TTLL11: variants seen among roughly 807,000 people sequenced by gnomAD.
The protein encoded by TTLL11 is tubulin polyglutamylase TTLL11.
TTLL11 carries 42 observed loss-of-function variants against 51.7 expected under a neutral mutation model. The observed-to-expected ratio is 0.81, with a 90% CI of 0.64 to 1.05. The LOEUF is 1.05. TTLL11 is among the 50% of genes least tolerant of loss of function. The probability of loss-of-function intolerance (pLI) is 0.00; values close to 1 mark genes in which losing one functional copy is unlikely to be tolerated. For missense variants in TTLL11, 799 were observed against 940.4 expected, an observed-to-expected ratio of 0.85 and a Z score of 1.97; for synonymous variants, 381 against 383.5, an observed-to-expected ratio of 0.99 and a Z score of 0.08.
At chr9:122,003,555 G>A (rs989690708) in intron 3 of TTLL11, among the ~76,000 whole-genome samples, 1 of 147,704 alleles carries the variant, frequency 6.8e-6, no homozygotes, top group Non-Finnish European at 1.5e-5. Flanking sequence ...TGCAATCTCG[G>A]CTCACTGCAA....
chr9:121,996,531 C>T (rs990260426), intron 3 of TTLL11, among the ~76,000 whole-genome samples: 2 of 152,138 alleles, frequency 1.3e-5, no homozygotes. Flanking sequence ...CACATGCACA[C>T]GTACACACTT....
intron 3 of TTLL11, among the ~76,000 whole-genome samples, chr9:121,994,770 G>A (rs1172809248): frequency 1.3e-5 from 2 of 152,218 alleles, no homozygotes; most frequent in Non-Finnish European, 2.9e-5. Context: ...TTAATTAGAT[G>A]TGTATTATGG....
chr9:122,025,622 G>GTAAA (rs1358749352), intron 3 of TTLL11, among the ~76,000 whole-genome samples: 3 of 152,112 alleles, frequency 2.0e-5, no homozygotes, highest in Non-Finnish European at 4.4e-5. Context: ...CCACTCTTAA[G>GTAAA]TAAATAAATA....
intron 6 of TTLL11, among the ~76,000 whole-genome samples, chr9:121,917,299 C>T (rs187372254): frequency 7.8e-4 from 116 of 148,976 alleles, no homozygotes; most frequent in African/African-American, 2.7e-3. Context: ...AAGATCTTAT[C>T]TCTATAAAAA....
intron 8 of TTLL11, among the ~76,000 whole-genome samples, chr9:121,828,898 G>A (rs1836907116): frequency 6.6e-6 from 1 of 152,052 alleles, no homozygotes; most frequent in Non-Finnish European, 1.5e-5. Context: ...CCAGGAATTT[G>A]AGGCTGAAGT....
intron 6 of TTLL11, among the ~76,000 whole-genome samples, chr9:121,917,807 A>G (rs1396329217): frequency 6.6e-6 from 1 of 152,256 alleles, no homozygotes; most frequent in Non-Finnish European, 1.5e-5. Context: ...ACATTGCTCC[A>G]TAGGAAATAA....
At position 121,898,928 on chromosome 9, in the gene TTLL11, T is replaced by C. The variant is rs113257608; in HGVS notation, c.1482-28180A>G. On this transcript the variant is annotated intron_variant, in intron 6 of 8. Transcript: ENST00000321582. ...CCCTCTCCTTGTCCTCATGCCTGCT[T>C]CTGTTGCTGGGTGCCCTTCTTCTTT... Among the ~76,000 whole-genome samples the C allele has an allele frequency of 3.0e-3, 463 of 152,280 alleles. 3 individuals are homozygous for C. The highest frequency in any genetic ancestry group is 0.011 in the African/African-American group (445 of 41,578).
chr9:121,998,831 T>C (rs891188693), intron 3 of TTLL11, among the ~76,000 whole-genome samples: 1 of 152,130 alleles, frequency 6.6e-6, no homozygotes, highest in Non-Finnish European at 1.5e-5. Flanking sequence ...GTTTGTTTAT[T>C]GTCTTGCTAT....
At chr9:121,914,394 AC>A (rs1459513570) in intron 6 of TTLL11, among the ~76,000 whole-genome samples, 3 of 152,196 alleles carry the variant, frequency 2.0e-5, no homozygotes, top group Non-Finnish European at 4.4e-5. Context: ...TGACCTGAGC[AC>A]CTATTACCTG....
At chr9:121,999,245 T>C (rs1843385659) in intron 3 of TTLL11, among the ~76,000 whole-genome samples, 1 of 152,206 alleles carries the variant, frequency 6.6e-6, no homozygotes, top group African/African-American at 2.4e-5. Flanking sequence ...AACCACTTCC[T>C]GGACTTCAGT....
chr9:121,875,413 T>G (rs569333470), intron 6 of TTLL11, among the ~76,000 whole-genome samples: 1 of 152,306 alleles, frequency 6.6e-6, no homozygotes, highest in Non-Finnish European at 1.5e-5. Flanking sequence ...GCGACAGCCT[T>G]TCAAATTTCT....
intron 3 of TTLL11, among the ~76,000 whole-genome samples, chr9:122,004,466 C>T (rs1843577311): frequency 1.3e-5 from 2 of 151,998 alleles, no homozygotes; most frequent in African/African-American, 4.8e-5. Context: ...TCTCCTGCCT[C>T]AGCCTCCCAA....
At position 121,919,646 on chromosome 9, in the gene TTLL11, G is replaced by A. The variant is rs559462203; in HGVS notation, c.1482-48898C>T. Among the ~76,000 whole-genome samples, 6 of 152,266 alleles carry A rather than the reference G, an allele frequency of 3.9e-5. No individual in the cohort carries two copies. The East Asian group carries it at 7.7e-4, about 20-fold the overall frequency. On this transcript the variant is annotated intron_variant, in intron 6 of 8. Coordinates refer to ENST00000321582, the MANE Select transcript of TTLL11 (RefSeq NM_001139442.2). ...AGACAGTTGCTCAGAAGTCCAGCTT[G>A]TCCTGCAAGTGGGGCCCAAGAGAAA...
chr9:122,020,412 C>A (rs1588211280), intron 3 of TTLL11, among the ~76,000 whole-genome samples: 1 of 152,230 alleles, frequency 6.6e-6, no homozygotes, highest in African/African-American at 2.4e-5. Context: ...CTTATACACA[C>A]TTCTATTTAA....
At chr9:121,860,466 T>C (rs778102209) in intron 7 of TTLL11, 23 bp from the exon 8 acceptor site, 2 of 1,542,032 alleles carry the variant, frequency 1.3e-6, no homozygotes, top group South Asian at 1.2e-5. Context: ...GGAAGTGACA[T>C]GTCACTGCCA....
chr9:121,941,773 T>C (rs1415833521), intron 6 of TTLL11, among the ~76,000 whole-genome samples: 1 of 152,166 alleles, frequency 6.6e-6, no homozygotes, highest in Non-Finnish European at 1.5e-5. Context: ...CCAGGGATAT[T>C]TGTGTGGCAC....
intron 6 of TTLL11, among the ~76,000 whole-genome samples, chr9:121,924,683 G>A (rs1446482268): frequency 6.6e-6 from 1 of 151,762 alleles, no homozygotes; most frequent in African/African-American, 2.4e-5. Context: ...AGTGAAAACG[G>A]GCACTTCCAG....
chr9:121,939,019 A>G (rs1237070024), intron 6 of TTLL11, among the ~76,000 whole-genome samples: 1 of 152,228 alleles, frequency 6.6e-6, no homozygotes, highest in African/African-American at 2.4e-5. Context: ...GAAGATGCCT[A>G]TTTCCACTCT....
rs1315715473 is a variant in TTLL11, at chr9:121,818,280, A to C, written c.*4307T>G. ...GAGGAGCTATTATCTGTTTACGGACACAGGACAGCTGCCGTGTCCCAGGGA... is the reference window on the plus strand; with the variant it reads ...GAGGAGCTATTATCTGTTTACGGACCCAGGACAGCTGCCGTGTCCCAGGGA... On this transcript the variant is annotated 3_prime_UTR_variant, in exon 9 of 9. Transcript: ENST00000321582. 6.6e-6 allele frequency: 1 copy of C among 152,302 alleles called. No individual in the cohort carries two copies. The highest frequency in any genetic ancestry group is 1.5e-5 in the Non-Finnish European group (1 of 68,114). 9.4% of individuals were successfully genotyped at this position (152,302 alleles called of 1,614,324 possible). A position where few individuals can be genotyped will look rare whatever the true frequency, so the allele number is the denominator to read the frequency against.
Sources: allele counts gnomAD v4.1 joint callset (sites outside exome capture counted in the v4.1 genomes callset), GRCh38; gene constraint gnomAD v4.1.1; transcripts MANE v1.5; gene names NCBI Gene and HGNC (gene_info 2026-07-23, HGNC 2026-07-21).